Variants in ATP2C2 observed in about 807,000 individuals in gnomAD.
The protein encoded by ATP2C2 is calcium-transporting ATPase type 2C member 2.
ATP2C2 carries 171 observed loss-of-function variants against 110.8 expected under a neutral mutation model. That is an observed-to-expected ratio of 1.54 (90% CI 1.36 to 1.75). The LOEUF (loss-of-function observed/expected upper bound fraction) is 1.75, where lower values mean the gene tolerates loss of function less well. Ranked by LOEUF, ATP2C2 falls within the 40% of genes most tolerant of loss-of-function variation. The pLI is 0.00. For missense variants in ATP2C2, 1,963 were observed against 1,235.0 expected (o/e 1.59, Z -8.84); for synonymous variants, 804 against 508.4 (o/e 1.58, Z -7.82).
intron 11 of ATP2C2, among the ~76,000 whole-genome samples, chr16:84,430,024 C>T (rs914637378): frequency 2.0e-5 from 3 of 152,156 alleles, no homozygotes; most frequent in African/African-American, 4.8e-5. Context: ...TGCGTCTCTT[C>T]TCTTCTTTTT....
At chr16:84,412,658 C>G (rs1189141085) in intron 6 of ATP2C2, among the ~76,000 whole-genome samples, 1 of 151,992 alleles carries the variant, frequency 6.6e-6, no homozygotes, top group African/African-American at 2.4e-5. Context: ...TAGCAGTGGT[C>G]CATAAGCTCG....
chr16:84,383,619 T>C (rs1443826732), intron 1 of ATP2C2, among the ~76,000 whole-genome samples: 1 of 152,110 alleles, frequency 6.6e-6, no homozygotes, highest in Admixed American at 6.6e-5. Flanking sequence ...ACATCCTTCC[T>C]CCAGGGTCTC....
Position 84,463,862 on chromosome 16 carries a change from T to C in ATP2C2, c.*130T>C. 1 of 833,514 alleles carries C rather than the reference T, an allele frequency of 1.2e-6. No individual in the cohort carries two copies. The highest frequency in any genetic ancestry group is 1.7e-5 in the South Asian group (1 of 60,136). The allele number at this position is 833,514 out of a possible 1,614,324, so 51.6% of individuals were successfully genotyped here. A position where few individuals can be genotyped will look rare whatever the true frequency, so the allele number is the denominator to read the frequency against. ...TCCATCACCGGATCAGTTTTTCCTC[T>C]TAGGAAAGCTGCAGGAACCTCGTGG... On this transcript the variant is annotated 3_prime_UTR_variant, in exon 27 of 27. Transcript: ENST00000262429.
chr16:84,373,516 A>C (rs1036850707), intron 1 of ATP2C2, among the ~76,000 whole-genome samples: 1 of 141,006 alleles, frequency 7.1e-6, no homozygotes, highest in African/African-American at 2.5e-5. Flanking sequence ...ACAACAACAA[A>C]AAAAGAGACT....
At chr16:84,429,100 CT>C (rs996444109) in intron 11 of ATP2C2, among the ~76,000 whole-genome samples, 1 of 151,988 alleles carries the variant, frequency 6.6e-6, no homozygotes, top group Non-Finnish European at 1.5e-5. Context: ...TTGGGGCTTT[CT>C]GGCTTAATAT....
intron 1 of ATP2C2, 64 bp downstream of exon 1, chr16:84,368,778 TC>T (rs1567678605): frequency 3.7e-6 from 5 of 1,333,750 alleles, no homozygotes; most frequent in Admixed American, 3.1e-5. Flanking sequence ...GTCGTAACCG[TC>T]CCCGGCCCGA....
At chr16:84,451,862 CAAA>C in intron 17 of ATP2C2, 56 bp from the exon 18 acceptor site, 1 of 1,518,472 alleles carries the variant, frequency 6.6e-7, no homozygotes, top group Non-Finnish European at 8.9e-7. Context: ...CAACCAACAA[CAAA>C]AAACGACGGC....
chr16:84,375,553 A>G (rs930451472), intron 1 of ATP2C2, among the ~76,000 whole-genome samples: 5 of 151,598 alleles, frequency 3.3e-5, no homozygotes, highest in South Asian at 2.1e-4. Context: ...AAAAAAAAAA[A>G]AAAGAAAGAA....
In ATP2C2 at chr16:84,442,595, T is replaced by C. The variant is rs1909372778; in HGVS notation, c.1397T>C (p.Met466Thr). 1 of 1,613,362 alleles carries C rather than the reference T, an allele frequency of 6.2e-7. No individual in the cohort carries two copies. Among genetic ancestry groups the C allele is most frequent in the African/African-American group, 1.3e-5 (1 of 74,780 alleles). The stretch of plus-strand genomic sequence containing the variant: ...GAGGGTGCATTGATGGCCCTGGCGA[T>C]GAAGGTAGGAGGTCCTGGGGTGGCT... The part of the protein sequence containing the change: ...PTEGALMALA[M>T]KMDLSDIKNS... Residue 466 changes from methionine to threonine, a missense_variant, in exon 15 of 27, where the codon ATG (methionine) becomes ACG (threonine). Met to Thr is a moderately conservative substitution (Grantham distance 81, BLOSUM62 -1). Coordinates refer to ENST00000262429, the MANE Select transcript of ATP2C2 (RefSeq NM_014861.4).
chr16:84,419,533 A>G (rs1055709826), intron 7 of ATP2C2, among the ~76,000 whole-genome samples: 3 of 152,170 alleles, frequency 2.0e-5, no homozygotes, highest in Non-Finnish European at 4.4e-5. Context: ...ATCAGAGAAC[A>G]CATTCCCAAG....
At chr16:84,420,154 C>G (rs754049080) in intron 7 of ATP2C2, among the ~76,000 whole-genome samples, 21 of 152,160 alleles carry the variant, frequency 1.4e-4, no homozygotes, top group Non-Finnish European at 2.6e-4. Context: ...GCCACCTCTT[C>G]TCAGGGGCCT....
At chr16:84,405,396 A>C (rs1165146788) in intron 3 of ATP2C2, 152 bp downstream of exon 3, 6 of 671,494 alleles carry the variant, frequency 8.9e-6, no homozygotes, top group Middle Eastern at 4.0e-4. Context: ...AGTCATGAGC[A>C]AATCACCAAC....
intron 1 of ATP2C2, among the ~76,000 whole-genome samples, chr16:84,378,931 C>G (rs1285139944): frequency 6.6e-6 from 1 of 152,090 alleles, no homozygotes; most frequent in Non-Finnish European, 1.5e-5. Flanking sequence ...AGCCTCTACT[C>G]CAGCCACTCC....
At chr16:84,370,059 T>A (rs1262409501) in intron 1 of ATP2C2, among the ~76,000 whole-genome samples, 1 of 152,256 alleles carries the variant, frequency 6.6e-6, no homozygotes. Flanking sequence ...TTTTGATTCT[T>A]GCATCAGGCC....
Position 84,372,574 on chromosome 16 carries a change from G to A in ATP2C2, c.99+3860G>A, listed in dbSNP as rs372190350. On this transcript the variant is annotated intron_variant, in intron 1 of 26. Coordinates refer to ENST00000262429, the MANE Select transcript of ATP2C2 (RefSeq NM_014861.4). ...CGAGTAGCTGGGATTACAGGCACCC[G>A]CCACCACACCCAGCTAATTTTTGTA... 4.4e-4 allele frequency among the ~76,000 whole-genome samples: 67 copies of A among 151,866 alleles called. 2 individuals carry two copies. In the South Asian group the frequency reaches 0.014, roughly 31 times the overall value.
At chr16:84,403,245 C>T (rs533072601) in intron 2 of ATP2C2, among the ~76,000 whole-genome samples, 1 of 152,178 alleles carries the variant, frequency 6.6e-6, no homozygotes, top group East Asian at 1.9e-4. Context: ...TTTCTTAAGA[C>T]AGGCCTATTT....
intron 18 of ATP2C2, 91 bp downstream of exon 18, chr16:84,452,182 C>G (rs796347584): frequency 8.6e-6 from 13 of 1,502,898 alleles, no homozygotes; most frequent in East Asian, 2.3e-5. Context: ...TCCGCAAACT[C>G]GGTCAGGAGT....
At chr16:84,390,819 C>G (rs1268997704) in intron 1 of ATP2C2, among the ~76,000 whole-genome samples, 1 of 151,918 alleles carries the variant, frequency 6.6e-6, no homozygotes, top group Non-Finnish European at 1.5e-5. Context: ...AAGGGAAACA[C>G]AAAAGAAAAG....
At chr16:84,410,215 A>T (rs1906153026) in intron 4 of ATP2C2, among the ~76,000 whole-genome samples, 2 of 152,180 alleles carry the variant, frequency 1.3e-5, no homozygotes, top group African/African-American at 2.4e-5. Context: ...TTCAGAAGAA[A>T]AAAGGCTGGG....
Sources: gnomAD v4.1 joint callset for allele counts (sites outside exome capture counted in the v4.1 genomes callset) on GRCh38, gnomAD v4.1.1 for gene constraint, MANE v1.5 for transcripts, NCBI Gene and HGNC (gene_info 2026-07-23, HGNC 2026-07-21) for gene names.